The following PIGG variants were observed in gnomAD, a reference collection of about 807,000 sequenced individuals.
PIGG encodes the protein phosphatidylinositol glycan anchor biosynthesis class G (EMM blood group).
PIGG carries 70 observed loss-of-function variants against 83.2 expected under a neutral mutation model. The ratio of observed to expected loss-of-function variants is 0.84; its 90% CI spans 0.69 to 1.03. The LOEUF is 1.03. Among genes scored for constraint, PIGG ranks in the 50% least tolerant of loss-of-function variants. PIGG has a pLI of 0.00. For synonymous variants in PIGG, 532 were observed against 519.5 expected (o/e 1.02, Z -0.33); for missense variants, 1,257 against 1,233.6 (o/e 1.02, Z -0.28).
chr4:499,847 C>A, intron 1 of PIGG: 2 of 534,110 alleles, frequency 3.7e-6, no homozygotes, highest in Non-Finnish European at 5.4e-6. Flanking sequence ...CCCCCTAGCA[C>A]ACAACAGATA....
intron 11 of PIGG, chr4:531,158 C>T (rs1007727189): frequency 2.8e-5 from 5 of 177,526 alleles, no homozygotes; most frequent in Admixed American, 1.7e-4. Flanking sequence ...CCTGGTGGGT[C>T]GTCAGGGCTT....
intron 5 of PIGG, among the ~76,000 whole-genome samples, chr4:509,615 G>A (rs76393672): frequency 0.025 from 3,792 of 152,348 alleles, 141 homozygotes; most frequent in African/African-American, 0.085. Flanking sequence ...GCTTTCGGGC[G>A]CTGCTCTCAC....
At chr4:512,095 T>C (rs368327198) in intron 5 of PIGG, among the ~76,000 whole-genome samples, 1 of 152,172 alleles carries the variant, frequency 6.6e-6, no homozygotes, top group Non-Finnish European at 1.5e-5. Flanking sequence ...ATTTGGAAAA[T>C]TTTCAGTTGT....
rs73794926 is a variant in PIGG at position 517,849 on chromosome 4, C to T, written c.1114+1664C>T. Reference sequence around the variant, plus strand: ...GATGTCTTCAGACAATCGACTCTGACGCAGCCGCGTTCATCAAGAATCATG... The same window carrying T: ...GATGTCTTCAGACAATCGACTCTGATGCAGCCGCGTTCATCAAGAATCATG... On this transcript the variant is annotated intron_variant, in intron 6 of 12. Coordinates refer to ENST00000453061, the MANE Select transcript of PIGG (RefSeq NM_001127178.3). Among the ~76,000 whole-genome samples, 691 of 152,260 alleles carry T rather than the reference C, an allele frequency of 4.5e-3. 8 individuals are homozygous for T. Among genetic ancestry groups the T allele is most frequent in the African/African-American group, 0.016 (666 of 41,538 alleles).
chr4:522,357 G>C, intron 8 of PIGG: 1 of 343,370 alleles, frequency 2.9e-6, no homozygotes, highest in Non-Finnish European at 5.4e-6. Context: ...GTCAAAAGGA[G>C]ACTTGGTCGC....
chr4:529,874 A>T (rs1728590212), intron 10 of PIGG, among the ~76,000 whole-genome samples: 3 of 152,250 alleles, frequency 2.0e-5, no homozygotes, highest in Non-Finnish European at 4.4e-5. Context: ...CGGACTGAGC[A>T]GAGCTCTGCC....
rs1728263589 is a variant in PIGG, at chr4:528,499, A to G, written c.2261+1269A>G. ...GGAGTAAGGGGTGGGAGTTAGGGTGACCTGAGGCCTGGCTGAGGCAGTGAG... is the reference window on the plus strand; with the variant it reads ...GGAGTAAGGGGTGGGAGTTAGGGTGGCCTGAGGCCTGGCTGAGGCAGTGAG... On this transcript the variant is annotated intron_variant, in intron 10 of 12. Coordinates refer to ENST00000453061, the MANE Select transcript of PIGG (RefSeq NM_001127178.3). This position sits in a 1 kb window ranked among gnomAD's most constrained non-coding sequence, Gnocchi z 4.8. 2 of 985,082 alleles carry G rather than the reference A, an allele frequency of 2.0e-6. No individual in the cohort carries two copies. The highest frequency in any genetic ancestry group is 3.5e-5 in the African/African-American group (2 of 57,164). 61.0% of individuals were successfully genotyped at this position (985,082 alleles called of 1,614,324 possible).
At chr4:511,442 G>A (rs985438339) in intron 5 of PIGG, among the ~76,000 whole-genome samples, 26 of 152,088 alleles carry the variant, frequency 1.7e-4, no homozygotes, top group African/African-American at 1.9e-4. Context: ...GAATAATGAC[G>A]CTGTGATCAT....
At chr4:524,141 G>A (rs886596157) in intron 9 of PIGG, among the ~76,000 whole-genome samples, 1 of 152,212 alleles carries the variant, frequency 6.6e-6, no homozygotes, top group African/African-American at 2.4e-5. Flanking sequence ...TCATTTATTA[G>A]TGCTGAACCA....
intron 2 of PIGG, chr4:501,314 A>G (rs142299515): frequency 8.2e-5 from 29 of 354,074 alleles, no homozygotes; most frequent in African/African-American, 5.6e-4. Context: ...ACAAAGGAGC[A>G]TATGAAAACA....
rs138569779 is a variant in PIGG, at chr4:521,888, G to A, written c.1561G>A (p.Val521Met). Reference sequence around the variant, plus strand: ...GGTGCTGGCCTCGGCGCTGCTGTGTGTGATTGTGTCTGTTCTGACCAACGT... The same window carrying A: ...GGTGCTGGCCTCGGCGCTGCTGTGTATGATTGTGTCTGTTCTGACCAACGT... ...VMVLASALLC[V>M]IVSVLTNVLV... Residue 521 changes from valine to methionine, a missense_variant, in exon 8 of 13, where the codon GTG becomes ATG. Coordinates refer to ENST00000453061, the MANE Select transcript of PIGG (RefSeq NM_001127178.3). The A allele has an allele frequency of 3.1e-4, 507 of 1,614,226 alleles. 1 individual carries two copies. In the African/African-American group the frequency reaches 6.2e-3, roughly 20 times the overall value.
chr4:505,916 G>C lies in PIGG; in HGVS notation c.559G>C (p.Asp187His), dbSNP rs752489514. Residue 187 changes from aspartate to histidine, a missense_variant, in exon 3 of 13, where the codon GAT becomes CAT. Transcript: ENST00000453061. ...TGGAACAACCTCATTTTTCGTGTCA[G>C]ATTACACAGAGGTCAGTTTTTAAAA... is the stretch of plus-strand genomic sequence containing the variant. Reference protein sequence around the residue: ...YDGTTSFFVSDYTEVDNNVTR... With the variant: ...YDGTTSFFVSHYTEVDNNVTR... 2.9e-5 allele frequency: 46 copies of C among 1,610,096 alleles called. No individual in the cohort carries two copies. Among genetic ancestry groups the C allele is most frequent in the Non-Finnish European group, 3.7e-5 (44 of 1,177,360 alleles).
chr4:537,846 G>A (rs1241932653), intron 12 of PIGG, among the ~76,000 whole-genome samples: 5 of 152,216 alleles, frequency 3.3e-5, no homozygotes, highest in Admixed American at 6.5e-5. Flanking sequence ...AGACAGCCCC[G>A]TCCTTGGCCC....
rs111452902 is a variant in PIGG at position 521,028 on chromosome 4, G to A, written c.1115-28G>A. ...ATGTATGTTCACGGTGTGTGTGCGC[G>A]CCTGTAACCTTTCTGTCTTCTTAAT... On this transcript the variant is annotated intron_variant, in intron 6 of 12. Transcript: ENST00000453061. The A allele has an allele frequency of 1.4e-4, 209 of 1,476,446 alleles. 1 individual carries two copies. The African/African-American group carries it at 2.0e-3, about 14-fold the overall frequency. The allele number at this position is 1,476,446 out of a possible 1,614,324, so 91.5% of individuals were successfully genotyped here. A position where few individuals can be genotyped will look rare whatever the true frequency, so the allele number is the denominator to read the frequency against.
rs1257743525 is a variant in PIGG at position 523,447 on chromosome 4, T to C, written c.1615-12T>C. On this transcript the variant is annotated splice_polypyrimidine_tract_variant and intron_variant, in intron 8 of 12. Transcript: ENST00000453061. ...AGACCGTCTCTTACAAAGTGCACTT[T>C]CCTTTTCACAGAACCCCATGCATCC... The C allele has an allele frequency of 6.3e-7, 1 of 1,585,904 alleles. No homozygotes were observed. Among genetic ancestry groups the C allele is most frequent in the Admixed American group, 1.7e-5 (1 of 58,270 alleles).
chr4:534,181 CG>C (rs1729793909), intron 12 of PIGG, among the ~76,000 whole-genome samples, 200 bp downstream of exon 12: 1 of 151,904 alleles, frequency 6.6e-6, no homozygotes, highest in Non-Finnish European at 1.5e-5. Flanking sequence ...GGGCCAGGGT[CG>C]GGTCTGACGG....
In PIGG at chr4:533,841, C is replaced by A; in HGVS notation, c.2595C>A (p.Thr865=). 1 of 1,614,224 alleles carries A rather than the reference C, an allele frequency of 6.2e-7. No individual in the cohort carries two copies. Among genetic ancestry groups the A allele is most frequent in the Non-Finnish European group, 8.5e-7 (1 of 1,180,024 alleles). Residue 865 remains threonine (T), a synonymous_variant, in exon 12 of 13, where the codon ACC becomes ACA. Coordinates refer to ENST00000453061, the MANE Select transcript of PIGG (RefSeq NM_001127178.3). ...YFQGNSNNIA[T]VDISAGFVGL... ...AGGGCAACTCCAACAACATTGCCAC[C>A]GTGGACATCTCCGCAGGCTTCGTGG...
At chr4:520,977 C>A in intron 6 of PIGG, 79 bp from the exon 7 acceptor site, 2 of 1,004,516 alleles carry the variant, frequency 2.0e-6, no homozygotes, top group Non-Finnish European at 3.1e-6. Context: ...CATGCATAAC[C>A]GAATACTTTG....
At chr4:500,350 G>T in intron 1 of PIGG, 46 bp from the exon 2 acceptor site, 2 of 1,393,904 alleles carry the variant, frequency 1.4e-6, no homozygotes, top group South Asian at 1.2e-5. Flanking sequence ...TTGATGCTAA[G>T]GAAAGTTTAG....
Sources: gnomAD v4.1 joint callset for allele counts (sites outside exome capture counted in the v4.1 genomes callset) on GRCh38, gnomAD v4.1.1 for gene constraint, Gnocchi (gnomAD v3.1) non-coding constraint, MANE v1.5 for transcripts, NCBI Gene and HGNC (gene_info 2026-07-23, HGNC 2026-07-21) for gene names.